CASR: variants seen among roughly 807,000 people sequenced by gnomAD.
CASR encodes the protein calcium sensing receptor, also known as extracellular calcium-sensing receptor.
CASR carries 23 observed loss-of-function variants against 69.1 expected under a neutral mutation model. That is an observed-to-expected ratio of 0.33 (90% CI 0.24 to 0.47). CASR has a LOEUF of 0.47. Ranked by LOEUF, CASR falls within the 20% of genes least tolerant of loss-of-function variation. The pLI, the probability that CASR is intolerant of heterozygous loss-of-function variation, is 1.00. For synonymous variants in CASR, 541 were observed against 544.7 expected (o/e 0.99, Z 0.10); for missense variants, 924 against 1,356.1 (o/e 0.68, Z 5.00).
chr3:122,230,340 T>G (rs1419842787), intron 1 of CASR, among the ~76,000 whole-genome samples: 1 of 152,090 alleles, frequency 6.6e-6, no homozygotes, highest in East Asian at 1.9e-4. Context: ...CAAAACAACC[T>G]CTCCTCCTTG....
intron 1 of CASR, among the ~76,000 whole-genome samples, chr3:122,200,992 T>TTG (rs1427380492): frequency 1.1e-4 from 9 of 84,140 alleles, no homozygotes; most frequent in Non-Finnish European, 2.3e-4. Flanking sequence ...CCCATTGCTT[T>TTG]TCTTTTTTTT....
intron 1 of CASR, among the ~76,000 whole-genome samples, chr3:122,239,669 A>G (rs1274776428): frequency 6.6e-6 from 1 of 152,240 alleles, no homozygotes; most frequent in East Asian, 1.9e-4. Flanking sequence ...GGTAGTGGCC[A>G]CAGGGAAGCT....
At chr3:122,210,633 G>A (rs890520108) in intron 1 of CASR, among the ~76,000 whole-genome samples, 2 of 152,186 alleles carry the variant, frequency 1.3e-5, no homozygotes, top group Non-Finnish European at 2.9e-5. Flanking sequence ...TGAATAGGAA[G>A]AACCAATATC....
At chr3:122,209,156 G>T (rs1224268332) in intron 1 of CASR, among the ~76,000 whole-genome samples, 1 of 152,142 alleles carries the variant, frequency 6.6e-6, no homozygotes, top group East Asian at 1.9e-4. Context: ...GCCTTTCTAA[G>T]AAGTTTCCAG....
At chr3:122,241,752 C>T (rs1007139955) in intron 1 of CASR, among the ~76,000 whole-genome samples, 2 of 152,068 alleles carry the variant, frequency 1.3e-5, no homozygotes, top group African/African-American at 4.8e-5. Flanking sequence ...GCCAACATCT[C>T]TGATGAATAT....
intron 1 of CASR, among the ~76,000 whole-genome samples, chr3:122,215,037 A>G (rs1317180719): frequency 3.3e-5 from 5 of 152,228 alleles, no homozygotes; most frequent in African/African-American, 1.2e-4. Context: ...AGGTAGGTCT[A>G]TCCTTGCTTT....
Position 122,285,373 on chromosome 3 carries a change from A to AG in CASR, c.*182_*183insG. On this transcript the variant is annotated 3_prime_UTR_variant, in exon 7 of 7. Transcript: ENST00000639785. ...TTGACCCATGTTCCCTTTAAAATTAAAAAAAAGAAGAGCCTTGTGTTTCTG... is the reference window on the plus strand; with the variant it reads ...TTGACCCATGTTCCCTTTAAAATTAAGAAAAAAGAAGAGCCTTGTGTTTCTG... 1.7e-6 allele frequency: 1 copy of AG among 594,472 alleles called. No homozygotes were observed. The allele number at this position is 594,472 out of a possible 1,614,324, so 36.8% of individuals were successfully genotyped here. A position where few individuals can be genotyped will look rare whatever the true frequency, so the allele number is the denominator to read the frequency against.
intron 1 of CASR, chr3:122,245,451 T>C (rs766791358): frequency 1.3e-5 from 2 of 152,210 alleles, no homozygotes; most frequent in Non-Finnish European, 2.9e-5. Context: ...TTTCGGTGTG[T>C]ATCCTACCAG....
intron 1 of CASR, among the ~76,000 whole-genome samples, chr3:122,252,409 A>AGGTAGGAAGGAAAAAG (rs1553765626): frequency 9.3e-4 from 6 of 6,470 alleles, no homozygotes; most frequent in African/African-American, 2.9e-3. Context: ...GAAGGAAGGA[A>AGGTAGGAAGGAAAAAG]AAAGAAAGAA....
At chr3:122,252,437 G>GAAAGAAAGAAAGAAAGAAAGAA (rs1559954368) in intron 1 of CASR, among the ~76,000 whole-genome samples, 1 of 81,062 alleles carries the variant, frequency 1.2e-5, no homozygotes, top group African/African-American at 5.3e-5. Context: ...AAGAAAGAAA[G>GAAAGAAAGAAAGAAAGAAAGAA]AAAGAAAGAA....
intron 1 of CASR, among the ~76,000 whole-genome samples, chr3:122,232,644 G>T (rs1028166633): frequency 1.3e-4 from 20 of 152,282 alleles, no homozygotes; most frequent in South Asian, 6.2e-4. Context: ...TCGCCAGGTG[G>T]GATGCTAACT....
chr3:122,269,921 A>C (rs2074739406), intron 4 of CASR, among the ~76,000 whole-genome samples: 1 of 152,096 alleles, frequency 6.6e-6, no homozygotes, highest in African/African-American at 2.4e-5. Flanking sequence ...GGCTCACTGC[A>C]ACCTCCGCCT....
intron 3 of CASR, chr3:122,257,685 A>T (rs3749204): frequency 0.45 from 125,026 of 278,364 alleles, 29,118 homozygotes; most frequent in Non-Finnish European, 0.49. Context: ...CCTTTAGTAA[A>T]TTTTTTTTCC....
intron 1 of CASR, among the ~76,000 whole-genome samples, chr3:122,249,180 T>C (rs1321580297): frequency 6.6e-6 from 1 of 152,234 alleles, no homozygotes; most frequent in African/African-American, 2.4e-5. Context: ...GCAACAATGG[T>C]GAAGAAAAGA....
At chr3:122,281,957 G>T (rs1451021672) in intron 5 of CASR, 156 bp from the exon 6 acceptor site, 6 of 926,950 alleles carry the variant, frequency 6.5e-6, no homozygotes, top group Non-Finnish European at 1.0e-5. Flanking sequence ...CAGAACCAAG[G>T]ACCTCTGGAC....
chr3:122,189,567 G>A (rs2073820629), intron 1 of CASR, among the ~76,000 whole-genome samples: 3 of 152,160 alleles, frequency 2.0e-5, no homozygotes, highest in Non-Finnish European at 4.4e-5. Context: ...TGATGATGGG[G>A]GCAAAGGTAA....
chr3:122,280,136 A>G (rs1464503792), intron 5 of CASR, among the ~76,000 whole-genome samples: 3 of 152,340 alleles, frequency 2.0e-5, no homozygotes, highest in South Asian at 4.1e-4. Context: ...TAGACACAGA[A>G]AAGGCCTTCG....
intron 4 of CASR, among the ~76,000 whole-genome samples, chr3:122,268,733 A>G (rs1271023393): frequency 4.6e-5 from 7 of 152,218 alleles, no homozygotes; most frequent in Admixed American, 3.9e-4. Flanking sequence ...ACAAATGAAT[A>G]AAGAAAGAAA....
At chr3:122,195,729 G>A (rs2073883148) in intron 1 of CASR, among the ~76,000 whole-genome samples, 1 of 152,128 alleles carries the variant, frequency 6.6e-6, no homozygotes. Flanking sequence ...AGGTCTCATG[G>A]CCAGTAAGTG....
Sources: allele counts gnomAD v4.1 joint callset (sites outside exome capture counted in the v4.1 genomes callset), GRCh38; gene constraint gnomAD v4.1.1; transcripts MANE v1.5; gene names NCBI Gene and HGNC (gene_info 2026-07-23, HGNC 2026-07-21).